CDC42BPA: variants seen among roughly 807,000 people sequenced by gnomAD.
CDC42BPA encodes the protein serine/threonine-protein kinase MRCK alpha.
A neutral mutation model predicts 223.5 loss-of-function variants in CDC42BPA; 80 were observed. The observed-to-expected ratio is 0.36, with a 90% CI of 0.30 to 0.43. CDC42BPA has a LOEUF of 0.43. Ranked by LOEUF, CDC42BPA falls within the 20% of genes least tolerant of loss-of-function variation. The pLI is 1.00. For missense variants in CDC42BPA, 1,743 were observed against 2,099.9 expected, an observed-to-expected ratio of 0.83 and a Z score of 3.32; for synonymous variants, 694 against 718.6, an observed-to-expected ratio of 0.97 and a Z score of 0.55.
At chr1:227,096,209 G>C (rs1484180587) in intron 15 of CDC42BPA, among the ~76,000 whole-genome samples, 1 of 152,090 alleles carries the variant, frequency 6.6e-6, no homozygotes, top group Non-Finnish European at 1.5e-5. Flanking sequence ...GTTAAATTTA[G>C]TTATGTTTAG....
chr1:227,091,394 T>C (rs1303780155), intron 16 of CDC42BPA, among the ~76,000 whole-genome samples: 4 of 151,664 alleles, frequency 2.6e-5, no homozygotes, highest in African/African-American at 9.7e-5. Flanking sequence ...GAGTTCTCAC[T>C]GAGATCCGGT....
chr1:227,047,885 AT>A (rs36062465), intron 23 of CDC42BPA, 41 bp downstream of exon 23: 397 of 1,216,126 alleles, frequency 3.3e-4, no homozygotes, highest in Admixed American at 4.6e-4. Flanking sequence ...GATAAAATTC[AT>A]TTTTTTTGGA....
chr1:227,016,279 TAATA>T, intron 33 of CDC42BPA, 82 bp from the exon 34 acceptor site: 1 of 764,376 alleles, frequency 1.3e-6, no homozygotes, highest in East Asian at 2.5e-5. Flanking sequence ...TTAATTTTCT[TAATA>T]AAAATACAAC....
chr1:227,306,986 C>T lies in CDC42BPA; in HGVS notation c.178+10019G>A, dbSNP rs191450633. Among the ~76,000 whole-genome samples, 701 of 152,316 alleles carry T rather than the reference C, an allele frequency of 4.6e-3. 4 individuals carry two copies. The highest frequency in any genetic ancestry group is 0.016 in the African/African-American group (672 of 41,572). On this transcript the variant is annotated intron_variant, in intron 1 of 36. Coordinates refer to ENST00000366766, the MANE Select transcript of CDC42BPA (RefSeq NM_001394014.1). ...AGATAACTATACTGCTTTTACAAAACTTTCATAAAATCTAATTAGCATTGT... is the reference window on the plus strand; with the variant it reads ...AGATAACTATACTGCTTTTACAAAATTTTCATAAAATCTAATTAGCATTGT...
chr1:227,188,125 TTTTTAA>T (rs1424527232), intron 5 of CDC42BPA, among the ~76,000 whole-genome samples: 1 of 152,182 alleles, frequency 6.6e-6, no homozygotes, highest in Non-Finnish European at 1.5e-5. Flanking sequence ...TTACCTTTTA[TTTTTAA>T]TTAGTCTAAA....
chr1:227,196,107 A>G (rs1452328696), intron 4 of CDC42BPA, among the ~76,000 whole-genome samples: 2 of 150,340 alleles, frequency 1.3e-5, no homozygotes, highest in East Asian at 1.9e-4. Context: ...TTTTTTTAAA[A>G]GAGCTCCAGT....
chr1:227,027,012 C>T (rs958237823), intron 30 of CDC42BPA, among the ~76,000 whole-genome samples: 1 of 152,124 alleles, frequency 6.6e-6, no homozygotes, highest in Non-Finnish European at 1.5e-5. Flanking sequence ...AAGTTGGCCT[C>T]GAACTTCTGG....
chr1:227,005,556 G>GT (rs780115765), intron 34 of CDC42BPA, among the ~76,000 whole-genome samples: 8 of 152,158 alleles, frequency 5.3e-5, no homozygotes, highest in Admixed American at 2.0e-4. Flanking sequence ...TTTTATTGAT[G>GT]TGATACCAAA....
rs570413257 is a variant in CDC42BPA, at chr1:227,174,325, T to A, written c.600-13689A>T. ...AGACTGAGAGAATTTTGAGTAAGCCTTAGGCCTCAAAATATTTCTATCTCA... is the reference window on the plus strand; with the variant it reads ...AGACTGAGAGAATTTTGAGTAAGCCATAGGCCTCAAAATATTTCTATCTCA... On this transcript the variant is annotated intron_variant, in intron 5 of 36. Coordinates refer to ENST00000366766, the MANE Select transcript of CDC42BPA (RefSeq NM_001394014.1). Among the ~76,000 whole-genome samples the A allele has an allele frequency of 8.5e-5, 13 of 152,288 alleles. No individual in the cohort carries two copies. The East Asian group carries it at 2.1e-3, about 25-fold the overall frequency.
chr1:227,312,247 CTGTCAATAAA>C (rs1343541237), intron 1 of CDC42BPA, among the ~76,000 whole-genome samples: 1 of 152,130 alleles, frequency 6.6e-6, no homozygotes, highest in Non-Finnish European at 1.5e-5. Context: ...ACGTAACATA[CTGTCAATAAA>C]TGTACCAAAT....
At chr1:227,154,557 A>G (rs1486462559) in intron 6 of CDC42BPA, among the ~76,000 whole-genome samples, 5 of 152,056 alleles carry the variant, frequency 3.3e-5, no homozygotes. Flanking sequence ...AATCAATTCT[A>G]ATCCTAAAGA....
intron 14 of CDC42BPA, among the ~76,000 whole-genome samples, chr1:227,107,643 G>A (rs1264858726): frequency 6.6e-6 from 1 of 152,172 alleles, no homozygotes; most frequent in African/African-American, 2.4e-5. Context: ...GCAGTGAAGT[G>A]GTGTGGTCTT....
intron 3 of CDC42BPA, among the ~76,000 whole-genome samples, chr1:227,204,589 T>C (rs1672340350): frequency 6.6e-6 from 1 of 152,148 alleles, no homozygotes; most frequent in Non-Finnish European, 1.5e-5. Context: ...CTTGAAATCA[T>C]TTCAACTTCA....
At chr1:227,301,064 T>C (rs1691537329) in intron 1 of CDC42BPA, among the ~76,000 whole-genome samples, 1 of 151,988 alleles carries the variant, frequency 6.6e-6, no homozygotes, top group African/African-American at 2.4e-5. Context: ...TAGTGTTCTT[T>C]TGCTGTGTGT....
chr1:227,237,231 G>A (rs34451658), intron 2 of CDC42BPA, among the ~76,000 whole-genome samples: 46,490 of 151,500 alleles, frequency 0.31, 7,228 homozygotes, highest in East Asian at 0.37. Flanking sequence ...GAACTTGCAT[G>A]AATTCAGCTC....
Position 227,112,831 on chromosome 1 carries a change from T to C in CDC42BPA, c.1730A>G (p.Gln577Arg). 1 of 1,614,132 alleles carries C rather than the reference T, an allele frequency of 6.2e-7. No individual in the cohort carries two copies. The highest frequency in any genetic ancestry group is 8.5e-7 in the Non-Finnish European group (1 of 1,179,978). The change falls in exon 13 of 37, where the codon CAG (glutamine) becomes CGG (arginine). Residue 577 changes from glutamine (Q) to arginine (R), a missense_variant. Physicochemically the swap from Gln to Arg is conservative, Grantham distance 43. Around this residue, in one of 6 missense-constraint regions of CDC42BPA, gnomAD observed 464 missense variants for 488.0 expected, o/e 0.95. Transcript: ENST00000366766. The stretch of plus-strand genomic sequence containing the variant: ...CCGCTCATTGATCTCCATGAATTCC[T>C]GCATGGCCAGTTTCCTCTGACAGTG... ...DAHCQRKLAM[Q>R]EFMEINERLT...
At chr1:227,077,081 G>A (rs1483048690) in intron 17 of CDC42BPA, among the ~76,000 whole-genome samples, 4 of 152,068 alleles carry the variant, frequency 2.6e-5, no homozygotes, top group Non-Finnish European at 1.5e-5. Flanking sequence ...AAATACTATT[G>A]CATTGGGCAT....
At chr1:227,237,265 T>C (rs1466459881) in intron 2 of CDC42BPA, among the ~76,000 whole-genome samples, 1 of 152,160 alleles carries the variant, frequency 6.6e-6, no homozygotes, top group Non-Finnish European at 1.5e-5. Flanking sequence ...TATTACATGG[T>C]ATCTTAAAAT....
chr1:227,060,071 G>A (rs1267496518), intron 21 of CDC42BPA, among the ~76,000 whole-genome samples: 13 of 126,018 alleles, frequency 1.0e-4, no homozygotes, highest in African/African-American at 3.6e-4. Flanking sequence ...TCGCTCTGTC[G>A]CCCAGGCTGG....
Sources: gnomAD v4.1 joint callset for allele counts (sites outside exome capture counted in the v4.1 genomes callset) on GRCh38, gnomAD v4.1.1 for gene constraint, gnomAD v4.1.1 regional missense constraint, MANE v1.5 for transcripts, NCBI Gene and HGNC (gene_info 2026-07-23, HGNC 2026-07-21) for gene names.